The following MPPED2 variants were observed in gnomAD, a reference collection of about 807,000 sequenced individuals.
MPPED2 encodes metallophosphoesterase MPPED2.
Under a neutral mutation model 33.0 loss-of-function variants are expected in MPPED2, and 5 were observed. The observed-to-expected ratio is 0.15, with a 90% CI of 0.08 to 0.32. MPPED2 has a LOEUF of 0.32. Among genes scored for constraint, MPPED2 ranks in the 10% least tolerant of loss-of-function variants. MPPED2 has a pLI of 1.00. For missense variants in MPPED2, 275 were observed against 372.1 expected (o/e 0.74, Z 2.15); for synonymous variants, 136 against 141.9 (o/e 0.96, Z 0.29).
intron 5 of MPPED2, among the ~76,000 whole-genome samples, chr11:30,416,848 C>T (rs927537142): frequency 1.3e-5 from 2 of 152,068 alleles, no homozygotes; most frequent in East Asian, 1.9e-4. Context: ...ATAACAAGTT[C>T]GTGAAAAATT....
intron 2 of MPPED2, among the ~76,000 whole-genome samples, chr11:30,552,397 C>T (rs192178728): frequency 6.6e-5 from 10 of 152,138 alleles, no homozygotes; most frequent in Middle Eastern, 3.4e-3. Flanking sequence ...GGATAATTAA[C>T]GTTAGTAAAA....
chr11:30,526,215 A>G (rs556547996), intron 3 of MPPED2, among the ~76,000 whole-genome samples: 2 of 152,322 alleles, frequency 1.3e-5, no homozygotes, highest in African/African-American at 4.8e-5. Flanking sequence ...GTACTATTAC[A>G]GACAAAACAA....
intron 6 of MPPED2, among the ~76,000 whole-genome samples, chr11:30,398,085 A>G (rs1375179817): frequency 6.6e-6 from 1 of 152,122 alleles, no homozygotes; most frequent in Non-Finnish European, 1.5e-5. Flanking sequence ...GCAGATAAAC[A>G]TGGTACTAAT....
At chr11:30,548,238 C>T (rs976106755) in intron 2 of MPPED2, among the ~76,000 whole-genome samples, 9 of 150,710 alleles carry the variant, frequency 6.0e-5, no homozygotes, top group South Asian at 4.2e-4. Flanking sequence ...TCTTAACTGA[C>T]GGGGTCTCTC....
exon 7 of MPPED2, chr11:30,385,783 G>C (rs560120513): frequency 6.6e-6 from 1 of 152,020 alleles, no homozygotes; most frequent in Non-Finnish European, 1.5e-5. Context: ...AGGTCTTCAA[G>C]TGGCTGCCTC....
rs1948089412 is a variant in MPPED2, at chr11:30,411,235, C to T, written c.*233G>A. On this transcript the variant is annotated 3_prime_UTR_variant, in exon 7 of 7. Transcript: ENST00000358117. ...CACTAACAATTTACAATGGCATGGC[C>T]TTTGAGAAAACAGAAGTCATTTTAC... 6.9e-6 allele frequency: 8 copies of T among 1,155,796 alleles called. 1 individual carries two copies. In the South Asian group the frequency reaches 2.6e-4, roughly 38 times the overall value. The allele number at this position is 1,155,796 out of a possible 1,614,324, so 71.6% of individuals were successfully genotyped here. A position where few individuals can be genotyped will look rare whatever the true frequency, so the allele number is the denominator to read the frequency against.
chr11:30,495,112 T>C, intron 4 of MPPED2, 184 bp downstream of exon 4: 1 of 601,554 alleles, frequency 1.7e-6, no homozygotes, highest in Non-Finnish European at 3.0e-6. Context: ...TAAAGGGATC[T>C]CTATCACAAT....
chr11:30,438,570 C>T (rs769182709), intron 4 of MPPED2, among the ~76,000 whole-genome samples: 24 of 152,140 alleles, frequency 1.6e-4, no homozygotes, highest in East Asian at 7.7e-4. Flanking sequence ...AAAAAATAGG[C>T]GGGGCCAGGG....
intron 3 of MPPED2, among the ~76,000 whole-genome samples, chr11:30,512,925 G>A (rs1007180309): frequency 8.6e-5 from 13 of 151,912 alleles, no homozygotes; most frequent in African/African-American, 2.9e-4. Context: ...AGCTTGAATC[G>A]GGGGGCAGAG....
At chr11:30,423,095 T>C (rs1222176796) in intron 4 of MPPED2, among the ~76,000 whole-genome samples, 1 of 152,162 alleles carries the variant, frequency 6.6e-6, no homozygotes, top group Non-Finnish European at 1.5e-5. Context: ...GTCATCTGTG[T>C]TTGCAGTACA....
intron 4 of MPPED2, among the ~76,000 whole-genome samples, chr11:30,446,151 G>C (rs188919544): frequency 3.3e-4 from 50 of 152,318 alleles, no homozygotes; most frequent in Admixed American, 1.2e-3. Context: ...TAGCTTTGCA[G>C]GCAAAGTCAA....
chr11:30,531,480 C>T (rs1033936715), intron 3 of MPPED2, among the ~76,000 whole-genome samples: 7 of 152,136 alleles, frequency 4.6e-5, no homozygotes, highest in Non-Finnish European at 4.4e-5. Flanking sequence ...AGGAAAGGGG[C>T]CAATGCGGTG....
At chr11:30,437,363 A>G (rs1949369350) in intron 4 of MPPED2, among the ~76,000 whole-genome samples, 1 of 152,240 alleles carries the variant, frequency 6.6e-6, no homozygotes, top group African/African-American at 2.4e-5. Context: ...AGAAGCTGAA[A>G]AAGGGACTGG....
intron 4 of MPPED2, among the ~76,000 whole-genome samples, chr11:30,454,661 C>T (rs757128569): frequency 4.6e-5 from 7 of 152,034 alleles, no homozygotes; most frequent in Non-Finnish European, 4.4e-5. Flanking sequence ...TTTAAAAAAT[C>T]CTGTATCTGA....
intron 4 of MPPED2, among the ~76,000 whole-genome samples, chr11:30,470,749 T>G (rs2134057568): frequency 6.6e-6 from 1 of 152,302 alleles, no homozygotes; most frequent in Non-Finnish European, 1.5e-5. Context: ...GTGGCTTATT[T>G]CTACTTCCAG....
chr11:30,470,795 T>C (rs990048878), intron 4 of MPPED2, among the ~76,000 whole-genome samples: 4 of 152,166 alleles, frequency 2.6e-5, no homozygotes, highest in African/African-American at 9.7e-5. Flanking sequence ...TAACCCTTAG[T>C]ACCATGTTCT....
At chr11:30,440,466 T>A (rs1385927511) in intron 4 of MPPED2, among the ~76,000 whole-genome samples, 1 of 152,166 alleles carries the variant, frequency 6.6e-6, no homozygotes, top group African/African-American at 2.4e-5. Context: ...TCTAAGATAT[T>A]TATTACACCT....
intron 3 of MPPED2, among the ~76,000 whole-genome samples, chr11:30,503,981 A>G (rs781319426): frequency 4.6e-5 from 7 of 152,360 alleles, no homozygotes; most frequent in Middle Eastern, 3.4e-3. Context: ...AAAAGAATCA[A>G]ACAAATATAT....
intron 2 of MPPED2, among the ~76,000 whole-genome samples, chr11:30,571,017 G>GT (rs1431007618): frequency 6.6e-6 from 1 of 152,176 alleles, no homozygotes; most frequent in African/African-American, 2.4e-5. Flanking sequence ...GAGTCCTGCA[G>GT]TTTTTTAAGG....
Sources: gnomAD v4.1 joint callset for allele counts (sites outside exome capture counted in the v4.1 genomes callset) on GRCh38, gnomAD v4.1.1 for gene constraint, MANE v1.5 for transcripts, NCBI Gene and HGNC (gene_info 2026-07-23, HGNC 2026-07-21) for gene names.